The following RARB variants were observed in gnomAD, a reference collection of about 807,000 sequenced individuals.
RARB encodes HBV-activated protein.
RARB carries 17 observed loss-of-function variants against 51.9 expected under a neutral mutation model. The ratio of observed to expected loss-of-function variants is 0.33; its 90% CI spans 0.22 to 0.49. The LOEUF is 0.49. Ranked by LOEUF, RARB falls within the 20% of genes least tolerant of loss-of-function variation. The pLI, the probability that RARB is intolerant of heterozygous loss-of-function variation, is 0.99. For synonymous variants in RARB, 215 were observed against 195.4 expected (o/e 1.10, Z -0.84); for missense variants, 369 against 550.8 (o/e 0.67, Z 3.30).
chr3:25,309,704 C>G (rs1414487740), intron 5 of RARB, among the ~76,000 whole-genome samples: 4 of 151,444 alleles, frequency 2.6e-5, no homozygotes, highest in African/African-American at 9.7e-5. Flanking sequence ...CATATGTTGG[C>G]CAGGCTGGCC....
intron 2 of RARB, among the ~76,000 whole-genome samples, chr3:24,913,132 C>T (rs954410476): frequency 5.9e-5 from 9 of 151,678 alleles, no homozygotes; most frequent in Non-Finnish European, 1.2e-4. Flanking sequence ...AGGCACCCGC[C>T]ACCACGCCCG....
intron 5 of RARB, among the ~76,000 whole-genome samples, chr3:25,376,462 T>C (rs1368508489): frequency 6.6e-6 from 1 of 152,196 alleles, no homozygotes; most frequent in African/African-American, 2.4e-5. Context: ...AACCTTGTCT[T>C]GACGTTACCT....
At chr3:25,178,971 T>G (rs180871736) in intron 5 of RARB, among the ~76,000 whole-genome samples, 2 of 152,192 alleles carry the variant, frequency 1.3e-5, no homozygotes, top group Non-Finnish European at 2.9e-5. Flanking sequence ...TGTTAAGTGT[T>G]TTGGCTTCAG....
chr3:24,877,923 A>G (rs776659149), intron 2 of RARB, among the ~76,000 whole-genome samples: 1 of 152,206 alleles, frequency 6.6e-6, no homozygotes, highest in African/African-American at 2.4e-5. Context: ...ATCACTTACT[A>G]GGTGTTTTTC....
chr3:25,054,048 T>A (rs768789209), intron 2 of RARB, among the ~76,000 whole-genome samples: 31 of 152,038 alleles, frequency 2.0e-4, no homozygotes, highest in Non-Finnish European at 3.8e-4. Flanking sequence ...GGGGGTTGAG[T>A]GGGGAGTCCA....
intron 2 of RARB, among the ~76,000 whole-genome samples, chr3:24,979,571 TTTTTG>T (rs1008994974): frequency 3.3e-5 from 5 of 152,146 alleles, no homozygotes; most frequent in Admixed American, 6.5e-5. Context: ...CCTCCTGTTT[TTTTTG>T]TTTTGTTTTG....
intron 2 of RARB, among the ~76,000 whole-genome samples, chr3:24,861,681 T>C (rs75764483): frequency 0.013 from 1,984 of 152,146 alleles, 50 homozygotes; most frequent in African/African-American, 0.044. Flanking sequence ...TGTAGGTCTT[T>C]CTAGTGTCTG....
chr3:25,228,055 C>T (rs566186137), intron 5 of RARB, among the ~76,000 whole-genome samples: 4 of 151,932 alleles, frequency 2.6e-5, no homozygotes, highest in Admixed American at 6.6e-5. Context: ...TTTTTTGTCT[C>T]AATACTCTCA....
intron 5 of RARB, among the ~76,000 whole-genome samples, chr3:25,249,332 A>G (rs1702647077): frequency 6.6e-6 from 1 of 151,824 alleles, no homozygotes; most frequent in African/African-American, 2.4e-5. Flanking sequence ...TATATCCTTG[A>G]TTATTTTTCT....
intron 2 of RARB, among the ~76,000 whole-genome samples, chr3:24,938,477 A>T (rs976836251): frequency 2.0e-5 from 3 of 152,188 alleles, no homozygotes; most frequent in African/African-American, 7.2e-5. Context: ...TAATTAAAAA[A>T]TTTAATTTAC....
chr3:24,833,473 A>G (rs953001401), intron 1 of RARB, among the ~76,000 whole-genome samples: 3 of 152,182 alleles, frequency 2.0e-5, no homozygotes, highest in Non-Finnish European at 4.4e-5. Context: ...TCTTATCCAT[A>G]CAACAATTCA....
At chr3:25,210,380 T>A (rs1337194736) in intron 5 of RARB, among the ~76,000 whole-genome samples, 1 of 152,066 alleles carries the variant, frequency 6.6e-6, no homozygotes, top group Non-Finnish European at 1.5e-5. Context: ...AAATCCATTG[T>A]GTATGCAGCC....
intron 5 of RARB, among the ~76,000 whole-genome samples, chr3:25,383,219 T>C (rs1013703458): frequency 6.6e-6 from 1 of 151,848 alleles, no homozygotes; most frequent in African/African-American, 2.4e-5. Flanking sequence ...ACAAAATGAG[T>C]CATAGAGCCA....
intron 1 of RARB, among the ~76,000 whole-genome samples, chr3:24,851,006 A>G (rs542863449): frequency 2.6e-5 from 4 of 152,332 alleles, no homozygotes; most frequent in African/African-American, 9.6e-5. Context: ...AATGTTGATC[A>G]TTTCAAGCCA....
At position 24,845,666 on chromosome 3, in the gene RARB, T is replaced by C. The variant is rs532619136; in HGVS notation, c.-458-13008T>C. ...ACTCATGTACAGGTGGGAACAGCCC[T>C]GTTTCTTTTTTCTGTTTCTCCTGCA... On this transcript the variant is annotated intron_variant, in intron 1 of 11. Transcript: ENST00000383772. Among the ~76,000 whole-genome samples the C allele has an allele frequency of 2.0e-5, 3 of 152,276 alleles. No individual in the cohort carries two copies. The South Asian group carries it at 6.2e-4, about 32-fold the overall frequency.
chr3:25,412,963 G>A (rs1008040577), intron 5 of RARB, among the ~76,000 whole-genome samples: 1 of 151,910 alleles, frequency 6.6e-6, no homozygotes, highest in Non-Finnish European at 1.5e-5. Flanking sequence ...AGGTTGTGGT[G>A]AGCCGAGATC....
intron 7 of RARB, 85 bp downstream of exon 7, chr3:25,594,763 GTTTAATGGCTGCT>G: frequency 8.6e-7 from 1 of 1,169,284 alleles, no homozygotes; most frequent in Non-Finnish European, 1.1e-6. Context: ...AATTCAGGAT[GTTTAATGGCTGCT>G]TTTAAAGTCT....
At chr3:25,518,122 AG>A (rs1210458565) in intron 3 of RARB, among the ~76,000 whole-genome samples, 2 of 152,246 alleles carry the variant, frequency 1.3e-5, no homozygotes, top group African/African-American at 4.8e-5. Flanking sequence ...GCAAATTTAT[AG>A]CATTTGAATT....
intron 1 of RARB, among the ~76,000 whole-genome samples, chr3:24,854,260 C>T (rs1052267416): frequency 3.9e-5 from 6 of 152,178 alleles, no homozygotes; most frequent in South Asian, 2.1e-4. Context: ...GTCAACAGGA[C>T]TAGAAGGCAT....
Sources: gnomAD v4.1 joint callset for allele counts (sites outside exome capture counted in the v4.1 genomes callset) on GRCh38, gnomAD v4.1.1 for gene constraint, MANE v1.5 for transcripts, NCBI Gene and HGNC (gene_info 2026-07-23, HGNC 2026-07-21) for gene names.